Variants in DRAM2 observed in about 807,000 individuals in gnomAD.
DRAM2 encodes the protein DNA damage-regulated autophagy modulator protein 2.
DRAM2 carries 26 observed loss-of-function variants against 33.5 expected under a neutral mutation model. The observed-to-expected ratio is 0.78, with a 90% CI of 0.57 to 1.08. The LOEUF (loss-of-function observed/expected upper bound fraction) is 1.08, where lower values mean the gene tolerates loss of function less well. Ranked by LOEUF, DRAM2 falls within the 50% of genes least tolerant of loss-of-function variation. The pLI is 0.00. For missense variants in DRAM2, 311 were observed against 318.1 expected (o/e 0.98, Z 0.17); for synonymous variants, 98 against 109.5 (o/e 0.89, Z 0.66).
At chr1:111,120,418 A>AAAAAAAAAAAAAAAAAAAG (rs1557883161) in intron 7 of DRAM2, 98 bp downstream of exon 7, 1 of 365,078 alleles carries the variant, frequency 2.7e-6, no homozygotes, top group Non-Finnish European at 4.2e-6. Context: ...AAAAAAAAAA[A>AAAAAAAAAAAAAAAAAAAG]AGACAAAAAG....
chr1:111,127,660 G>T (rs1045688220), intron 4 of DRAM2, among the ~76,000 whole-genome samples: 7 of 152,044 alleles, frequency 4.6e-5, no homozygotes, highest in African/African-American at 7.2e-5. Flanking sequence ...ATTATTCTTA[G>T]AAAAATCCAT....
At chr1:111,134,838 TCA>T (rs1652844423) in intron 3 of DRAM2, among the ~76,000 whole-genome samples, 1 of 151,870 alleles carries the variant, frequency 6.6e-6, no homozygotes, top group Non-Finnish European at 1.5e-5. Context: ...TAAGGGTGAG[TCA>T]TTACAGAGAG....
intron 8 of DRAM2, 65 bp from the exon 9 acceptor site, chr1:111,118,962 T>G: frequency 9.1e-7 from 1 of 1,099,914 alleles, no homozygotes; most frequent in Admixed American, 3.3e-5. Context: ...ATACTATGTT[T>G]CAAATAAAAA....
In DRAM2 at chr1:111,131,431, A is replaced by G; in HGVS notation, c.124T>C (p.Tyr42His). Residue 42 changes from tyrosine to histidine, a missense_variant, in exon 4 of 10, where the codon TAT becomes CAT. Tyr to His is a moderately conservative substitution (Grantham distance 83). Transcript: ENST00000484310. Reference sequence around the variant, plus strand: ...AGAATACATTTCACTTACCTGATATAAGGTAAAGCCGGGTCTATATGGTGG... The same window carrying G: ...AGAATACATTTCACTTACCTGATATGAGGTAAAGCCGGGTCTATATGGTGG... ...TLHHIDPALP[Y>H]ISDTGTVAPE... 6.2e-7 allele frequency: 1 copy of G among 1,613,190 alleles called. No individual in the cohort carries two copies. Among genetic ancestry groups the G allele is most frequent in the Non-Finnish European group, 8.5e-7 (1 of 1,179,456 alleles).
intron 3 of DRAM2, among the ~76,000 whole-genome samples, chr1:111,132,102 T>C (rs1323176805): frequency 6.6e-6 from 1 of 152,140 alleles, no homozygotes; most frequent in Non-Finnish European, 1.5e-5. Context: ...CAAGGCATAA[T>C]TAGAGGGTTG....
chr1:111,118,921 A>G (rs1024296022), intron 8 of DRAM2, 24 bp from the exon 9 acceptor site: 1 of 1,530,552 alleles, frequency 6.5e-7, no homozygotes, highest in Non-Finnish European at 8.9e-7. Context: ...AAAAAAGAAT[A>G]GTTTTGTGAA....
chr1:111,136,968 G>C (rs1432366602), intron 3 of DRAM2, among the ~76,000 whole-genome samples: 5 of 151,136 alleles, frequency 3.3e-5, no homozygotes, highest in Admixed American at 2.0e-4. Context: ...ACATTTCCAT[G>C]ATTGGCCGGG....
intron 3 of DRAM2, 143 bp from the exon 4 acceptor site, chr1:111,131,711 C>T (rs1385841338): frequency 1.7e-5 from 12 of 717,402 alleles, no homozygotes; most frequent in East Asian, 2.7e-5. Context: ...CCCCAATACT[C>T]GCTCTCCTTC....
chr1:111,131,114 T>C (rs900145228), intron 4 of DRAM2, among the ~76,000 whole-genome samples: 2 of 152,218 alleles, frequency 1.3e-5, no homozygotes, highest in Non-Finnish European at 2.9e-5. Context: ...TAGCATTTAT[T>C]TTTTAATTTT....
intron 8 of DRAM2, 139 bp downstream of exon 8, chr1:111,119,738 C>G (rs1321507349): frequency 4.3e-6 from 3 of 703,986 alleles, no homozygotes; most frequent in Non-Finnish European, 7.0e-6. Flanking sequence ...CCTACCATAT[C>G]AAGAAAATAA....
In DRAM2 at chr1:111,120,706, G is replaced by C. The variant is rs761499018; in HGVS notation, c.340-13C>G. On this transcript the variant is annotated splice_polypyrimidine_tract_variant and intron_variant, in intron 6 of 9. Coordinates refer to ENST00000484310, the MANE Select transcript of DRAM2 (RefSeq NM_001349884.2). ...AAAGGGTTGTTTTCTGAGAGATAGA[G>C]AGAAGAAATACGTCAATAAAAGAAA... 6.8e-7 allele frequency: 1 copy of C among 1,480,086 alleles called. No homozygotes were observed. The highest frequency in any genetic ancestry group is 1.4e-5 in the South Asian group (1 of 70,114). 91.7% of individuals were successfully genotyped at this position (1,480,086 alleles called of 1,614,324 possible).
intron 9 of DRAM2, chr1:111,118,600 G>A (rs948985964): frequency 6.0e-5 from 29 of 487,008 alleles, no homozygotes; most frequent in Admixed American, 3.9e-5. Flanking sequence ...CATTTTCAAG[G>A]CTAAATCTTG....
chr1:111,128,755 A>G (rs1557893736), intron 4 of DRAM2, among the ~76,000 whole-genome samples: 8 of 152,174 alleles, frequency 5.3e-5, no homozygotes. Context: ...TCCCCAGAAC[A>G]TTTTCAATCT....
At chr1:111,138,613 G>A (rs1349618775) in intron 2 of DRAM2, among the ~76,000 whole-genome samples, 5 of 152,094 alleles carry the variant, frequency 3.3e-5, no homozygotes, top group Non-Finnish European at 7.4e-5. Flanking sequence ...GTGACACCCT[G>A]TCTCTACTAA....
chr1:111,119,610 C>A, intron 8 of DRAM2: 1 of 415,564 alleles, frequency 2.4e-6, no homozygotes, highest in Non-Finnish European at 4.4e-6. Context: ...ATATACTATA[C>A]CCACATTTAG....
chr1:111,119,528 A>G (rs1649558766), intron 8 of DRAM2: 1 of 198,828 alleles, frequency 5.0e-6, no homozygotes. Flanking sequence ...AGATAACAAA[A>G]AGTGGGAGAA....
chr1:111,127,262 T>C (rs906109422), intron 4 of DRAM2, among the ~76,000 whole-genome samples: 7 of 152,146 alleles, frequency 4.6e-5, no homozygotes, highest in African/African-American at 1.7e-4. Context: ...TGGCCTTGAA[T>C]TGACATACTA....
chr1:111,118,804 C>T lies in DRAM2; in HGVS notation c.693+1G>A. ...ATAAATCTAATATTGTGCCTTCTTA[C>T]CTGAAAATCACGAATGTAAGTCAGG... On this transcript the variant is annotated splice_donor_variant, in intron 9 of 9. Coordinates refer to ENST00000484310, the MANE Select transcript of DRAM2 (RefSeq NM_001349884.2). LOFTEE classifies it high-confidence loss of function. The T allele has an allele frequency of 6.2e-7, 1 of 1,600,416 alleles. No individual in the cohort carries two copies. The highest frequency in any genetic ancestry group is 8.5e-7 in the Non-Finnish European group (1 of 1,171,276).
rs143853189 is a variant in DRAM2, at chr1:111,117,461, T to A, written c.*699A>T. On this transcript the variant is annotated 3_prime_UTR_variant, in exon 10 of 10. Transcript: ENST00000484310. ...TACCTACAGGTGCCTCTCTCCTTCA[T>A]TGGTGATTAAAATTTCACGCCAGAG... is the stretch of plus-strand genomic sequence containing the variant. The A allele has an allele frequency of 2.8e-4, 42 of 152,172 alleles. No individual in the cohort carries two copies. The highest frequency in any genetic ancestry group is 9.9e-4 in the African/African-American group (41 of 41,532). 9.4% of individuals were successfully genotyped at this position (152,172 alleles called of 1,614,324 possible).
Sources: gnomAD v4.1 joint callset for allele counts (sites outside exome capture counted in the v4.1 genomes callset) on GRCh38, gnomAD v4.1.1 for gene constraint, MANE v1.5 for transcripts, NCBI Gene and HGNC (gene_info 2026-07-23, HGNC 2026-07-21) for gene names.